BRME1: variants seen among roughly 807,000 people sequenced by gnomAD.
BRME1 encodes break repair meiotic recombinase recruitment factor 1, also known as BRCA2 and MEILB2-associating protein 1.
BRME1 carries 31 observed loss-of-function variants against 52.6 expected under a neutral mutation model. The observed-to-expected ratio is 0.59, with a 90% CI of 0.44 to 0.80. The LOEUF (loss-of-function observed/expected upper bound fraction) is 0.80, where lower values mean the gene tolerates loss of function less well. Among genes scored for constraint, BRME1 ranks in the 30% least tolerant of loss-of-function variants. BRME1 has a pLI of 0.00. For synonymous variants in BRME1, 359 were observed against 353.6 expected (o/e 1.02, Z -0.17); for missense variants, 804 against 860.3 (o/e 0.93, Z 0.82).
At position 13,888,230 on chromosome 19, in the gene BRME1, A is replaced by G. The variant is rs1179850218; in HGVS notation, c.1668+958T>C. 2 of 149,382 alleles carry G rather than the reference A, an allele frequency of 1.3e-5. No individual in the cohort carries two copies. The highest frequency in any genetic ancestry group is 3.0e-5 in the Non-Finnish European group (2 of 67,642). The allele number at this position is 149,382 out of a possible 1,614,324, so 9.3% of individuals were successfully genotyped here. A position where few individuals can be genotyped will look rare whatever the true frequency, so the allele number is the denominator to read the frequency against. ...ATGAATTTTTTTTTTTTTTTTTAACATCTCAACACAGGGACAGCCAAAGAA... is the reference window on the plus strand; with the variant it reads ...ATGAATTTTTTTTTTTTTTTTTAACGTCTCAACACAGGGACAGCCAAAGAA... On this transcript the variant is annotated intron_variant, in intron 6 of 8. Coordinates refer to ENST00000586783, the MANE Select transcript of BRME1 (RefSeq NM_001345843.2). The surrounding 1 kb of genome is among the most constrained non-coding windows in gnomAD (Gnocchi z 4.1).
chr19:13,890,815 C>A (rs578216134), intron 5 of BRME1, among the ~76,000 whole-genome samples: 2 of 152,070 alleles, frequency 1.3e-5, no homozygotes, highest in African/African-American at 2.4e-5. Context: ...TGCAGTGAGC[C>A]GAGATAGGAC....
intron 3 of BRME1, among the ~76,000 whole-genome samples, chr19:13,895,067 C>T (rs1391287436): frequency 1.3e-5 from 2 of 151,842 alleles, no homozygotes; most frequent in Admixed American, 6.6e-5. Context: ...TTAGTAGAGA[C>T]GGGGTTTTGC....
At chr19:13,898,578 C>G (rs1599351225) in intron 2 of BRME1, among the ~76,000 whole-genome samples, 1 of 151,890 alleles carries the variant, frequency 6.6e-6, no homozygotes, top group East Asian at 1.9e-4. Flanking sequence ...CCACTGCACT[C>G]TGGCCTCAGC....
chr19:13,884,282 G>A lies in BRME1; in HGVS notation c.1764-882C>T, dbSNP rs114246971. Among the ~76,000 whole-genome samples the A allele has an allele frequency of 5.2e-3, 798 of 152,220 alleles. 7 individuals carry two copies. Among genetic ancestry groups the A allele is most frequent in the African/African-American group, 0.018 (740 of 41,542 alleles). On this transcript the variant is annotated intron_variant, in intron 7 of 8. Transcript: ENST00000586783. ...TTGAGCCTGGGAGATGGAGGCTACA[G>A]TAAGCTATGATCCTGTACACCAGCC...
Position 13,892,416 on chromosome 19 carries a change from T to C in BRME1, c.393+370A>G, listed in dbSNP as rs541468354. On this transcript the variant is annotated intron_variant, in intron 5 of 8. Coordinates refer to ENST00000586783, the MANE Select transcript of BRME1 (RefSeq NM_001345843.2). The stretch of plus-strand genomic sequence containing the variant: ...GGCTGGCCAACATGGTAAAACCCCG[T>C]CTCTACTAAAAATACAAAAATTAGC... Among the ~76,000 whole-genome samples, 402 of 151,838 alleles carry C rather than the reference T, an allele frequency of 2.6e-3. 1 individual carries two copies. Among genetic ancestry groups the C allele is most frequent in the African/African-American group, 9.4e-3 (390 of 41,382 alleles).
chr19:13,898,513 G>C (rs923803615), intron 2 of BRME1, among the ~76,000 whole-genome samples: 11 of 152,166 alleles, frequency 7.2e-5, no homozygotes, highest in African/African-American at 2.4e-4. Flanking sequence ...AGGAGGCTGA[G>C]GCAGGAGGAT....
rs199703310 is a variant in BRME1, at chr19:13,890,492, G to A, written c.394-30C>T. The A allele has an allele frequency of 7.1e-5, 103 of 1,450,682 alleles. No individual in the cohort carries two copies. The East Asian group carries it at 2.4e-3, about 33-fold the overall frequency. 89.9% of individuals were successfully genotyped at this position (1,450,682 alleles called of 1,614,324 possible). On this transcript the variant is annotated intron_variant, in intron 5 of 8. Transcript: ENST00000586783. The stretch of plus-strand genomic sequence containing the variant: ...GGACAGAAAAAGACTCAGCCCCGGG[G>A]CCTTTGATAACCAAGTTCTCCGAAG...
Position 13,882,489 on chromosome 19 carries a change from C to A in BRME1, c.*313G>T. 2.1e-6 allele frequency: 1 copy of A among 466,344 alleles called. No homozygotes were observed. The highest frequency in any genetic ancestry group is 4.5e-5 in the South Asian group (1 of 22,224). 28.9% of individuals were successfully genotyped at this position (466,344 alleles called of 1,614,324 possible). A position where few individuals can be genotyped will look rare whatever the true frequency, so the allele number is the denominator to read the frequency against. On this transcript the variant is annotated 3_prime_UTR_variant, in exon 9 of 9. Coordinates refer to ENST00000586783, the MANE Select transcript of BRME1 (RefSeq NM_001345843.2). ...AACCATCCATACTTGGCTCAGGACC[C>A]TAAAATTTGCAAATCCGGACAGGAT...
intron 2 of BRME1, among the ~76,000 whole-genome samples, chr19:13,903,996 C>A (rs1342325438): frequency 6.6e-6 from 1 of 152,180 alleles, no homozygotes; most frequent in Non-Finnish European, 1.5e-5. Flanking sequence ...CCCTGAAGCC[C>A]GGGGAGGCCT....
chr19:13,895,966 G>T (rs1056869317), intron 2 of BRME1, among the ~76,000 whole-genome samples: 1 of 152,192 alleles, frequency 6.6e-6, no homozygotes, highest in African/African-American at 2.4e-5. Context: ...AGAGGCTAAA[G>T]ATGCTTATTG....
At chr19:13,890,530 G>T in intron 5 of BRME1, 68 bp from the exon 6 acceptor site, 1 of 1,399,002 alleles carries the variant, frequency 7.1e-7, no homozygotes, top group South Asian at 1.7e-5. Context: ...TTTTCTATTA[G>T]GTTGGTGTAA....
At position 13,885,931 on chromosome 19, in the gene BRME1, G is replaced by A. The variant is rs1289122104; in HGVS notation, c.1763+30C>T. On this transcript the variant is annotated intron_variant, in intron 7 of 8. Transcript: ENST00000586783. ...CCTTGGTAAAATTTGTGAGGGTCCT[G>A]GAGCCACTTCTCACCCACGCCACAC... 6 of 1,601,640 alleles carry A rather than the reference G, an allele frequency of 3.7e-6. No homozygotes were observed. In the African/African-American group the frequency reaches 4.0e-5, roughly 11 times the overall value.
intron 5 of BRME1, among the ~76,000 whole-genome samples, chr19:13,891,951 T>C (rs1305893910): frequency 6.6e-6 from 1 of 151,718 alleles, no homozygotes; most frequent in Non-Finnish European, 1.5e-5. Context: ...TGTGCACCTG[T>C]AGTCCCAGCT....
intron 1 of BRME1, 65 bp downstream of exon 1, chr19:13,905,650 G>A (rs1418658711): frequency 2.6e-5 from 4 of 152,330 alleles, no homozygotes; most frequent in Non-Finnish European, 5.9e-5. Context: ...TGGGTCCTTG[G>A]AGGGGAAAGA....
Position 13,890,266 on chromosome 19 carries a change from C to A in BRME1, c.590G>T (p.Arg197Met). The part of the protein sequence containing the change: ...GDSQPDDPPD[R>M]GTGLSASQRA... The stretch of plus-strand genomic sequence containing the variant: ...CTGTGAGGCGGACAACCCCGTCCCC[C>A]TGTCTGGAGGGTCATCAGGCTGAGA... Residue 197 changes from arginine to methionine, a missense_variant, in exon 6 of 9, where the codon AGG becomes ATG. By Grantham distance (91) the Arg-to-Met change is moderately conservative. This residue lies in a region of BRME1 where 234 missense variants were observed against 258.1 expected (regional missense o/e 0.91). Coordinates refer to ENST00000586783, the MANE Select transcript of BRME1 (RefSeq NM_001345843.2). 1 of 1,613,742 alleles carries A rather than the reference C, an allele frequency of 6.2e-7. No individual in the cohort carries two copies.
At chr19:13,899,534 C>T (rs1970155861) in intron 2 of BRME1, among the ~76,000 whole-genome samples, 1 of 152,094 alleles carries the variant, frequency 6.6e-6, no homozygotes, top group African/African-American at 2.4e-5. Flanking sequence ...TTAGCTCTCG[C>T]TGAGAGAAGC....
intron 3 of BRME1, 38 bp from the exon 4 acceptor site, chr19:13,893,261 G>A (rs756854216): frequency 1.6e-5 from 25 of 1,529,434 alleles, no homozygotes; most frequent in Admixed American, 1.0e-4. Context: ...AGATCTGCCC[G>A]GGTGCGGTGG....
Position 13,883,160 on chromosome 19 carries a change from G to T in BRME1, c.1856+148C>A. 1 of 949,604 alleles carries T rather than the reference G, an allele frequency of 1.1e-6. No homozygotes were observed. Among genetic ancestry groups the T allele is most frequent in the Non-Finnish European group, 1.6e-6 (1 of 641,316 alleles). The allele number at this position is 949,604 out of a possible 1,614,324, so 58.8% of individuals were successfully genotyped here. ...CCTGTGTTCTGCAAAGGACGGGGGAGGGGGGCCACGGTGAGGACCCAGCAG... is the reference window on the plus strand; with the variant it reads ...CCTGTGTTCTGCAAAGGACGGGGGATGGGGGCCACGGTGAGGACCCAGCAG... On this transcript the variant is annotated intron_variant, in intron 8 of 8. Coordinates refer to ENST00000586783, the MANE Select transcript of BRME1 (RefSeq NM_001345843.2). This position sits in a 1 kb window ranked among gnomAD's most constrained non-coding sequence, Gnocchi z 4.2.
At chr19:13,894,885 C>CT (rs1037884375) in intron 3 of BRME1, among the ~76,000 whole-genome samples, 10 of 151,916 alleles carry the variant, frequency 6.6e-5, no homozygotes, top group African/African-American at 2.2e-4. Context: ...ACAGTTAAAA[C>CT]TTTTTTTTCT....
Sources: allele counts gnomAD v4.1 joint callset (sites outside exome capture counted in the v4.1 genomes callset), GRCh38; gene constraint gnomAD v4.1.1; regional missense constraint gnomAD v4.1.1; non-coding constraint Gnocchi (gnomAD v3.1); transcripts MANE v1.5; gene names NCBI Gene and HGNC (gene_info 2026-07-23, HGNC 2026-07-21).